CHRNA4: variants seen among roughly 807,000 people sequenced by gnomAD.
The protein encoded by CHRNA4 is neuronal acetylcholine receptor subunit alpha-4.
In CHRNA4, 28 loss-of-function variants were observed where a neutral mutation model predicts 48.9. The ratio of observed to expected loss-of-function variants is 0.57; its 90% confidence interval spans 0.42 to 0.79. CHRNA4 has a LOEUF of 0.79. CHRNA4 is among the 30% of genes least tolerant of loss of function. The pLI, the probability that CHRNA4 is intolerant of heterozygous loss-of-function variation, is 0.00. For missense variants in CHRNA4, 859 were observed against 898.4 expected, an observed-to-expected ratio of 0.96 and a Z score of 0.56; for synonymous variants, 425 against 402.3, an observed-to-expected ratio of 1.06 and a Z score of -0.68.
intron 2 of CHRNA4, chr20:63,356,697 T>C (rs2068723753): frequency 3.7e-6 from 2 of 540,198 alleles, no homozygotes; most frequent in Admixed American, 6.3e-5. Flanking sequence ...AGGACAGGTG[T>C]GGCGGGCATG....
At chr20:63,355,906 A>T in intron 4 of CHRNA4, 69 bp downstream of exon 4, 10 of 1,584,604 alleles carry the variant, frequency 6.3e-6, no homozygotes, top group Non-Finnish European at 8.6e-6. Context: ...CTGTCTGGGC[A>T]GGGGCAGGCC....
At chr20:63,352,363 C>G (rs920604850) in intron 4 of CHRNA4, among the ~76,000 whole-genome samples, 2 of 152,190 alleles carry the variant, frequency 1.3e-5, no homozygotes, top group Non-Finnish European at 2.9e-5. Context: ...TCGTGGAGAC[C>G]TGGCCCCCCA....
rs201462011 is a variant in CHRNA4, at chr20:63,343,640, G to A, written c.*3098C>T. On this transcript the variant is annotated 3_prime_UTR_variant, in exon 6 of 6. Transcript: ENST00000370263. ...CACGTCGCCCCAGGCCGGGCCACACGGGAAGCACCCAGGCCGGTCCGGAGG... is the reference window on the plus strand; with the variant it reads ...CACGTCGCCCCAGGCCGGGCCACACAGGAAGCACCCAGGCCGGTCCGGAGG... The A allele has an allele frequency of 8.9e-5, 39 of 439,880 alleles. No homozygotes were observed. The highest frequency in any genetic ancestry group is 4.2e-4 in the East Asian group (6 of 14,360). The allele number at this position is 439,880 out of a possible 1,614,324, so 27.2% of individuals were successfully genotyped here.
intron 4 of CHRNA4, chr20:63,355,514 G>A: frequency 7.7e-7 from 1 of 1,290,480 alleles, no homozygotes. Context: ...AGGGCACCCT[G>A]CAGTCCACAC....
At position 63,359,934 on chromosome 20, in the gene CHRNA4, G is replaced by A. The variant is rs533457282; in HGVS notation, c.77-235C>T. ...GTGTGTGTGTGTGTGTGTGTGCCGG[G>A]CGTGGCGTGCGCTGACCTCTCTTGG... On this transcript the variant is annotated intron_variant, in intron 1 of 5. Coordinates refer to ENST00000370263, the MANE Select transcript of CHRNA4 (RefSeq NM_000744.7). 437 of 408,788 alleles carry A rather than the reference G, an allele frequency of 1.1e-3. 4 individuals are homozygous for A. The African/African-American group carries it at 0.012, about 12-fold the overall frequency. The allele number at this position is 408,788 out of a possible 1,614,324, so 25.3% of individuals were successfully genotyped here.
chr20:63,358,271 G>A (rs1269394270), intron 2 of CHRNA4, among the ~76,000 whole-genome samples: 1 of 152,182 alleles, frequency 6.6e-6, no homozygotes, highest in Non-Finnish European at 1.5e-5. Flanking sequence ...GCCTGTCCGC[G>A]GGAATGTGGC....
At chr20:63,355,198 CG>C (rs2068698961) in intron 4 of CHRNA4, among the ~76,000 whole-genome samples, 1 of 152,192 alleles carries the variant, frequency 6.6e-6, no homozygotes, top group South Asian at 2.1e-4. Flanking sequence ...CGCTGGCTGC[CG>C]GGCGCAGGGC....
intron 1 of CHRNA4, 126 bp downstream of exon 1, chr20:63,360,964 G>C: frequency 1.3e-6 from 1 of 771,660 alleles, no homozygotes; most frequent in Non-Finnish European, 1.8e-6. Context: ...GGAGCCTCGC[G>C]GTCGCCCAGT....
chr20:63,345,723 C>T lies in CHRNA4; in HGVS notation c.*1015G>A, dbSNP rs199882248. 2.7e-5 allele frequency: 12 copies of T among 452,206 alleles called. No individual in the cohort carries two copies. The highest frequency in any genetic ancestry group is 5.3e-5 in the Non-Finnish European group (12 of 225,246). The allele number at this position is 452,206 out of a possible 1,614,324, so 28.0% of individuals were successfully genotyped here. A position where few individuals can be genotyped will look rare whatever the true frequency, so the allele number is the denominator to read the frequency against. On this transcript the variant is annotated 3_prime_UTR_variant, in exon 6 of 6. Transcript: ENST00000370263. This position sits in a 1 kb window ranked among gnomAD's most constrained non-coding sequence, Gnocchi z 5.4. ...GTCCTCAAGGATGCCCCCACCAGCT[C>T]CCCACAGCTACTGTAGCAGGAAGTC...
rs11472697 is a variant in CHRNA4 at position 63,359,884 on chromosome 20, T to TGC, written c.77-187_77-186dup. 0.13 allele frequency: 72,437 copies of TGC among 572,764 alleles called. 4,587 individuals are homozygous for TGC. The highest frequency in any genetic ancestry group is 0.14 in the Non-Finnish European group (46,237 of 322,060). The allele number at this position is 572,764 out of a possible 1,614,324, so 35.5% of individuals were successfully genotyped here. ...GGCGTGCGCTCTGTGTGTGTGTGTG[T>TGC]GCCGGGCGTGTGCTGTGTGTGTGTG... On this transcript the variant is annotated intron_variant, in intron 1 of 5. Transcript: ENST00000370263.
intron 5 of CHRNA4, among the ~76,000 whole-genome samples, chr20:63,347,404 G>A (rs2068513455): frequency 6.6e-6 from 1 of 152,224 alleles, no homozygotes; most frequent in South Asian, 2.1e-4. Context: ...CCCCTGGCCT[G>A]TCTCGTTTTC....
chr20:63,353,806 G>A (rs1438268636), intron 4 of CHRNA4, among the ~76,000 whole-genome samples: 2 of 96,128 alleles, frequency 2.1e-5, no homozygotes, highest in Admixed American at 1.0e-4. Context: ...TCCTAGAGGG[G>A]GCTGTGGTCC....
intron 2 of CHRNA4, 36 bp downstream of exon 2, chr20:63,359,511 CT>C: frequency 6.2e-7 from 1 of 1,612,086 alleles, no homozygotes; most frequent in South Asian, 1.1e-5. Flanking sequence ...GCAGGGCGAC[CT>C]CAGTCACAGT....
At chr20:63,358,912 C>G (rs1744448018) in intron 2 of CHRNA4, among the ~76,000 whole-genome samples, 3 of 149,066 alleles carry the variant, frequency 2.0e-5, no homozygotes, top group Non-Finnish European at 3.0e-5. Flanking sequence ...TCCCGCAGCT[C>G]AGTTCTCTCA....
rs1218240326 is a variant in CHRNA4 at position 63,350,174 on chromosome 20, C to A, written c.1237G>T (p.Asp413Tyr). The change falls in exon 5 of 6, where the codon GAT becomes TAT. Residue 413 changes from aspartate to tyrosine, a missense_variant. By Grantham distance (160) the Asp-to-Tyr change is radical (BLOSUM62 -3). This residue lies in a region of CHRNA4 where 478 missense variants were observed against 455.4 expected (regional missense o/e 1.05). Coordinates refer to ENST00000370263, the MANE Select transcript of CHRNA4 (RefSeq NM_000744.7). The part of the protein sequence containing the change: ...PPSPSFCVPL[D>Y]VPAEPGPSCK... ...GAAGGCCCAGGCTCAGCCGGCACAT[C>A]CAGGGGGACACAGAAGGACGGTGAG... is the stretch of plus-strand genomic sequence containing the variant. 1 of 1,590,142 alleles carries A rather than the reference C, an allele frequency of 6.3e-7. No homozygotes were observed. The highest frequency in any genetic ancestry group is 2.3e-5 in the East Asian group (1 of 43,926).
At chr20:63,359,961 C>T in intron 1 of CHRNA4, 1 of 420,762 alleles carries the variant, frequency 2.4e-6, no homozygotes. Flanking sequence ...CTCTCTTGGC[C>T]TCCGGCTCTC....
chr20:63,349,330 C>T (rs768363274), intron 5 of CHRNA4, among the ~76,000 whole-genome samples: 5 of 152,202 alleles, frequency 3.3e-5, no homozygotes, highest in African/African-American at 4.8e-5. Context: ...GTTCCCAGAG[C>T]GCCCCCGTTC....
chr20:63,359,852 T>C (rs56349611), intron 1 of CHRNA4, 153 bp from the exon 2 acceptor site: 8 of 627,766 alleles, frequency 1.3e-5, no homozygotes, highest in African/African-American at 6.9e-5. Flanking sequence ...GACCTGTGTG[T>C]GTGCCGGGCG....
At position 63,360,167 on chromosome 20, in the gene CHRNA4, G is replaced by C. The variant is rs2068793558; in HGVS notation, c.77-468C>G. 11 of 213,040 alleles carry C rather than the reference G, an allele frequency of 5.2e-5. No individual in the cohort carries two copies. In the South Asian group the frequency reaches 8.4e-4, roughly 16 times the overall value. 13.2% of individuals were successfully genotyped at this position (213,040 alleles called of 1,614,324 possible). A position where few individuals can be genotyped will look rare whatever the true frequency, so the allele number is the denominator to read the frequency against. On this transcript the variant is annotated intron_variant, in intron 1 of 5. Coordinates refer to ENST00000370263, the MANE Select transcript of CHRNA4 (RefSeq NM_000744.7). ...CAGCTGGCGAGTCAGAGGACACTCG[G>C]GGGTAACAGCAGCAAAGGAGGGAGT...
Sources: allele counts gnomAD v4.1 joint callset (sites outside exome capture counted in the v4.1 genomes callset), GRCh38; gene constraint gnomAD v4.1.1; regional missense constraint gnomAD v4.1.1; non-coding constraint Gnocchi (gnomAD v3.1); transcripts MANE v1.5; gene names NCBI Gene and HGNC (gene_info 2026-07-23, HGNC 2026-07-21).